The following COMMD10 variants were observed in gnomAD, a reference collection of about 807,000 sequenced individuals.
COMMD10 encodes the protein COMM domain-containing protein 10.
A neutral mutation model predicts 28.9 loss-of-function variants in COMMD10; 33 were observed. The ratio of observed to expected loss-of-function variants is 1.14; its 90% confidence interval spans 0.87 to 1.53. The LOEUF (loss-of-function observed/expected upper bound fraction) is 1.53. Among genes scored for constraint, COMMD10 ranks in the 40% most tolerant of loss-of-function variants. The pLI is 0.00. For synonymous variants in COMMD10, 110 were observed against 81.7 expected (o/e 1.35, Z -1.87); for missense variants, 310 against 233.4 (o/e 1.33, Z -2.14).
At chr5:116,116,022 G>T (rs1751222558) in intron 4 of COMMD10, among the ~76,000 whole-genome samples, 1 of 152,088 alleles carries the variant, frequency 6.6e-6, no homozygotes, top group Non-Finnish European at 1.5e-5. Context: ...CTCCTGCTAA[G>T]AATGTTCTTT....
intron 5 of COMMD10, among the ~76,000 whole-genome samples, chr5:116,258,758 T>A (rs1750359109): frequency 6.6e-6 from 1 of 151,728 alleles, no homozygotes; most frequent in Non-Finnish European, 1.5e-5. Context: ...ATTTTTATCC[T>A]TGGGGTTTGA....
At chr5:116,093,811 T>G (rs982369167) in intron 4 of COMMD10, among the ~76,000 whole-genome samples, 21 of 152,134 alleles carry the variant, frequency 1.4e-4, no homozygotes, top group Admixed American at 1.4e-3. Context: ...CAGCATGGTG[T>G]TGGTAGAAAA....
intron 5 of COMMD10, among the ~76,000 whole-genome samples, chr5:116,157,154 C>G (rs1292442413): frequency 3.9e-5 from 6 of 152,014 alleles, no homozygotes; most frequent in Non-Finnish European, 8.8e-5. Flanking sequence ...TCTAGTTTTT[C>G]CTAATAGATT....
At chr5:116,212,561 A>G (rs1487289698) in intron 5 of COMMD10, among the ~76,000 whole-genome samples, 1 of 97,408 alleles carries the variant, frequency 1.0e-5, no homozygotes, top group Non-Finnish European at 2.4e-5. Flanking sequence ...ATGTGGGTGT[A>G]AAGTGAAGAG....
chr5:116,101,152 G>C (rs1750645475), intron 4 of COMMD10, among the ~76,000 whole-genome samples: 1 of 152,074 alleles, frequency 6.6e-6, no homozygotes, highest in Non-Finnish European at 1.5e-5. Flanking sequence ...ATCCAATGAT[G>C]GACACTTAGG....
At chr5:116,160,015 A>C (rs1752864296) in intron 5 of COMMD10, among the ~76,000 whole-genome samples, 1 of 152,152 alleles carries the variant, frequency 6.6e-6, no homozygotes, top group Non-Finnish European at 1.5e-5. Context: ...GGAGGCAGTA[A>C]ATTACCTAAT....
intron 5 of COMMD10, among the ~76,000 whole-genome samples, chr5:116,228,799 A>T (rs980261386): frequency 2.0e-5 from 3 of 152,004 alleles, no homozygotes; most frequent in Non-Finnish European, 4.4e-5. Flanking sequence ...CTTAGCCCTG[A>T]TTATAAACAA....
chr5:116,238,137 T>C (rs2112660620), intron 5 of COMMD10, among the ~76,000 whole-genome samples: 1 of 152,294 alleles, frequency 6.6e-6, no homozygotes, highest in Non-Finnish European at 1.5e-5. Context: ...TTTAGACCAA[T>C]ATGAAAGGCT....
In COMMD10 at chr5:116,215,739, T is replaced by C. The variant is rs558787117; in HGVS notation, c.511-75778T>C. Among the ~76,000 whole-genome samples, 381 of 145,694 alleles carry C rather than the reference T, an allele frequency of 2.6e-3. 1 individual carries two copies. The highest frequency in any genetic ancestry group is 4.5e-3 in the Non-Finnish European group (297 of 66,504). ...ATATATATATATATATATGTATATA[T>C]AATTCATATAAATATAGTACTTTAT... On this transcript the variant is annotated intron_variant, in intron 5 of 6. Coordinates refer to ENST00000274458, the MANE Select transcript of COMMD10 (RefSeq NM_016144.4).
chr5:116,191,620 A>G (rs938759467), intron 5 of COMMD10, among the ~76,000 whole-genome samples: 1 of 151,376 alleles, frequency 6.6e-6, no homozygotes, highest in African/African-American at 2.4e-5. Flanking sequence ...CCAACCCCCA[A>G]CAGCAGCCAC....
At chr5:116,234,056 C>T (rs1375724031) in intron 5 of COMMD10, among the ~76,000 whole-genome samples, 1 of 151,850 alleles carries the variant, frequency 6.6e-6, no homozygotes, top group Admixed American at 6.6e-5. Flanking sequence ...AGTCAGGGTC[C>T]CCAGTAGGGG....
intron 5 of COMMD10, among the ~76,000 whole-genome samples, chr5:116,206,652 CAAAAAAAGAAAAA>C (rs1264860030): frequency 6.7e-6 from 1 of 149,300 alleles, no homozygotes; most frequent in Non-Finnish European, 1.5e-5. Context: ...AACTCCATCT[CAAAAAAAGAAAAA>C]AAGAAAAGAA....
chr5:116,115,693 G>A (rs1465406078), intron 4 of COMMD10, among the ~76,000 whole-genome samples: 1 of 151,980 alleles, frequency 6.6e-6, no homozygotes, highest in Non-Finnish European at 1.5e-5. Flanking sequence ...AATTCTATTT[G>A]GAGCTCTTTT....
chr5:116,193,435 C>T (rs937733994), intron 5 of COMMD10, among the ~76,000 whole-genome samples: 1 of 152,080 alleles, frequency 6.6e-6, no homozygotes, highest in Non-Finnish European at 1.5e-5. Context: ...CACCTAACAC[C>T]TAACACATAA....
intron 4 of COMMD10, among the ~76,000 whole-genome samples, chr5:116,131,216 A>T (rs1751850458): frequency 6.6e-6 from 1 of 152,136 alleles, no homozygotes; most frequent in South Asian, 2.1e-4. Flanking sequence ...AGGTGAATAG[A>T]ATATGTAACT....
chr5:116,271,620 C>G (rs969634646), intron 5 of COMMD10, among the ~76,000 whole-genome samples: 1 of 151,636 alleles, frequency 6.6e-6, no homozygotes, highest in Non-Finnish European at 1.5e-5. Flanking sequence ...AGGCATTAGT[C>G]ATCTGTGCTG....
chr5:116,282,623 A>G (rs112871992), intron 5 of COMMD10, among the ~76,000 whole-genome samples: 3,334 of 151,944 alleles, frequency 0.022, 187 homozygotes, highest in African/African-American at 0.078. Flanking sequence ...TTTTATCACA[A>G]TTCTGTAGGC....
chr5:116,227,061 G>T (rs546153190), intron 5 of COMMD10, among the ~76,000 whole-genome samples: 1 of 152,010 alleles, frequency 6.6e-6, no homozygotes, highest in East Asian at 1.9e-4. Context: ...TTTGCCTTCT[G>T]GTGTTACAGA....
chr5:116,116,828 C>T (rs964995671), intron 4 of COMMD10, among the ~76,000 whole-genome samples: 19 of 151,846 alleles, frequency 1.3e-4, no homozygotes, highest in Non-Finnish European at 2.4e-4. Context: ...ACGCCATTCT[C>T]CTGCCTCAGC....
Sources: gnomAD v4.1 joint callset for allele counts (sites outside exome capture counted in the v4.1 genomes callset) on GRCh38, gnomAD v4.1.1 for gene constraint, MANE v1.5 for transcripts, NCBI Gene and HGNC (gene_info 2026-07-23, HGNC 2026-07-21) for gene names.